GALNTL6: variants seen among roughly 807,000 people sequenced by gnomAD.
GALNTL6 encodes polypeptide N-acetylgalactosaminyltransferase like 6.
GALNTL6 carries 46 observed loss-of-function variants against 73.7 expected under a neutral mutation model. The observed-to-expected ratio is 0.62, with a 90% CI of 0.49 to 0.80. GALNTL6 has a LOEUF of 0.80. Among genes scored for constraint, GALNTL6 ranks in the 30% least tolerant of loss-of-function variants. GALNTL6 has a pLI of 0.00. For missense variants in GALNTL6, 604 were observed against 755.0 expected (o/e 0.80, Z 2.34); for synonymous variants, 259 against 263.7 (o/e 0.98, Z 0.17).
At chr4:172,859,449 T>A (rs912025337) in intron 7 of GALNTL6, among the ~76,000 whole-genome samples, 1 of 152,114 alleles carries the variant, frequency 6.6e-6, no homozygotes, top group African/African-American at 2.4e-5. Flanking sequence ...CTTTTCCACA[T>A]CTTTGTTAGA....
chr4:172,767,732 CCATCT>C (rs1347088535), intron 5 of GALNTL6, among the ~76,000 whole-genome samples: 2 of 144,630 alleles, frequency 1.4e-5, no homozygotes, highest in African/African-American at 2.6e-5. Flanking sequence ...ATGAATGACT[CCATCT>C]CAGCTCACTG....
intron 11 of GALNTL6, among the ~76,000 whole-genome samples, chr4:173,019,265 A>T (rs907275016): frequency 7.2e-5 from 11 of 152,224 alleles, no homozygotes; most frequent in Middle Eastern, 3.2e-3. Context: ...TCCATGGGAC[A>T]TGCAGCTGGG....
intron 5 of GALNTL6, among the ~76,000 whole-genome samples, chr4:172,749,970 T>G (rs1447846354): frequency 1.3e-5 from 2 of 152,208 alleles, no homozygotes; most frequent in African/African-American, 4.8e-5. Context: ...AAGAAACGCT[T>G]CTAGTTTTCT....
At chr4:172,232,453 G>A (rs1454039544) in intron 3 of GALNTL6, among the ~76,000 whole-genome samples, 1 of 151,752 alleles carries the variant, frequency 6.6e-6, no homozygotes, top group East Asian at 1.9e-4. Context: ...TTGTCCTCTT[G>A]GTGGGCCTTT....
intron 2 of GALNTL6, among the ~76,000 whole-genome samples, chr4:172,080,222 T>C (rs895137038): frequency 4.6e-5 from 7 of 152,204 alleles, no homozygotes; most frequent in Non-Finnish European, 1.0e-4. Flanking sequence ...GCTTTGTTGC[T>C]CTTGCTTGAG....
At chr4:172,767,616 G>A (rs1738507879) in intron 5 of GALNTL6, among the ~76,000 whole-genome samples, 1 of 147,868 alleles carries the variant, frequency 6.8e-6, no homozygotes, top group Admixed American at 6.8e-5. Flanking sequence ...CCGTGAAGAA[G>A]AAAATAATTC....
intron 7 of GALNTL6, among the ~76,000 whole-genome samples, chr4:172,841,702 T>C (rs770795496): frequency 1.2e-4 from 18 of 151,974 alleles, no homozygotes; most frequent in South Asian, 2.1e-4. Flanking sequence ...GAAAATCCAC[T>C]CACTATCGCA....
chr4:173,018,942 G>C (rs532955021), intron 11 of GALNTL6, among the ~76,000 whole-genome samples: 1 of 152,354 alleles, frequency 6.6e-6, no homozygotes, highest in African/African-American at 2.4e-5. Flanking sequence ...CTTTCCAACA[G>C]ACTTCCTTGG....
At chr4:172,790,736 CA>C (rs1042728661) in intron 5 of GALNTL6, among the ~76,000 whole-genome samples, 1 of 151,174 alleles carries the variant, frequency 6.6e-6, no homozygotes, top group Non-Finnish European at 1.5e-5. Flanking sequence ...ACTAAAAATA[CA>C]AAAAAAATTA....
chr4:171,970,023 G>A (rs978230114), intron 2 of GALNTL6, among the ~76,000 whole-genome samples: 1 of 151,922 alleles, frequency 6.6e-6, no homozygotes, highest in Non-Finnish European at 1.5e-5. Context: ...CACCCTCCTT[G>A]GCCTCCCAAA....
At chr4:172,089,817 C>T (rs1334095971) in intron 2 of GALNTL6, among the ~76,000 whole-genome samples, 2 of 152,146 alleles carry the variant, frequency 1.3e-5, no homozygotes, top group Non-Finnish European at 2.9e-5. Context: ...CCATCATCTA[C>T]ATTAGGTATT....
intron 5 of GALNTL6, among the ~76,000 whole-genome samples, chr4:172,805,870 C>G: frequency 6.6e-6 from 1 of 151,980 alleles, no homozygotes; most frequent in Non-Finnish European, 1.5e-5. Flanking sequence ...AGATGGGGCG[C>G]AACTGACCAT....
At chr4:172,353,431 G>A (rs1031237006) in intron 5 of GALNTL6, among the ~76,000 whole-genome samples, 3 of 151,984 alleles carry the variant, frequency 2.0e-5, no homozygotes, top group African/African-American at 4.8e-5. Context: ...AATTAATATT[G>A]GATTTATAAG....
At chr4:172,370,604 G>A (rs1015147286) in intron 5 of GALNTL6, among the ~76,000 whole-genome samples, 10 of 142,286 alleles carry the variant, frequency 7.0e-5, no homozygotes, top group African/African-American at 1.3e-4. Context: ...GCACTCCAGC[G>A]TGGGCGACAG....
chr4:172,633,900 C>A (rs1011814178), intron 5 of GALNTL6, among the ~76,000 whole-genome samples: 1 of 152,218 alleles, frequency 6.6e-6, no homozygotes, highest in African/African-American at 2.4e-5. Flanking sequence ...CTCTTGCCTG[C>A]TGCCATATAA....
At chr4:172,915,978 A>T (rs1195541157) in intron 8 of GALNTL6, among the ~76,000 whole-genome samples, 2 of 152,248 alleles carry the variant, frequency 1.3e-5, no homozygotes, top group Non-Finnish European at 2.9e-5. Context: ...CCTGATGAAC[A>T]GTGATGCAAA....
intron 2 of GALNTL6, among the ~76,000 whole-genome samples, chr4:172,102,587 TGTC>T: frequency 1.8e-5 from 1 of 54,906 alleles, no homozygotes; most frequent in Non-Finnish European, 4.1e-5. Context: ...ACACCAGAGA[TGTC>T]AGAGATGTCA....
At chr4:172,741,861 T>C (rs1054222037) in intron 5 of GALNTL6, among the ~76,000 whole-genome samples, 1 of 151,966 alleles carries the variant, frequency 6.6e-6, no homozygotes, top group African/African-American at 2.4e-5. Flanking sequence ...TATCCAACTC[T>C]GAGAAATGAC....
chr4:172,324,649 A>G (rs566764537), intron 4 of GALNTL6, among the ~76,000 whole-genome samples: 2 of 151,340 alleles, frequency 1.3e-5, no homozygotes, highest in Non-Finnish European at 3.0e-5. Context: ...TCAATTGTAC[A>G]TAGAATATTT....
Sources: allele counts gnomAD v4.1 joint callset (sites outside exome capture counted in the v4.1 genomes callset), GRCh38; gene constraint gnomAD v4.1.1; transcripts MANE v1.5; gene names NCBI Gene and HGNC (gene_info 2026-07-23, HGNC 2026-07-21).